MED13L: variants seen among roughly 807,000 people sequenced by gnomAD.
The protein encoded by MED13L is mediator complex subunit 13L.
In MED13L, 7 loss-of-function variants were observed where a neutral mutation model predicts 220.9. That is an observed-to-expected ratio of 0.03 (90% CI 0.02 to 0.06). The LOEUF (loss-of-function observed/expected upper bound fraction) is 0.06, where lower values mean the gene tolerates loss of function less well. MED13L is among the 10% of genes least tolerant of loss of function. The pLI is 1.00. For missense variants in MED13L, 1,965 were observed against 2,760.5 expected, an observed-to-expected ratio of 0.71 and a Z score of 6.46; for synonymous variants, 1,011 against 1,015.2, an observed-to-expected ratio of 1.00 and a Z score of 0.08.
At chr12:116,224,238 TTCAA>T (rs1204051602) in intron 2 of MED13L, among the ~76,000 whole-genome samples, 4 of 152,206 alleles carry the variant, frequency 2.6e-5, no homozygotes, top group Admixed American at 6.5e-5. Context: ...AATGTTCATT[TTCAA>T]TCAATTTCTC....
intron 4 of MED13L, among the ~76,000 whole-genome samples, chr12:116,028,445 G>A (rs1049780037): frequency 2.6e-5 from 4 of 151,758 alleles, no homozygotes; most frequent in Non-Finnish European, 4.4e-5. Flanking sequence ...TTTCTGATTC[G>A]GGGGGAAGGC....
In MED13L at chr12:115,961,078, G is replaced by A; in HGVS notation, c.*188C>T. On this transcript the variant is annotated 3_prime_UTR_variant, in exon 31 of 31. Transcript: ENST00000281928. ...AAGTTTCCAGGTCCATGAGAGAAGT[G>A]TCAAGGAGTCACTCTGGTAATGAAC... The A allele has an allele frequency of 1.3e-6, 1 of 780,024 alleles. No individual in the cohort carries two copies. The allele number at this position is 780,024 out of a possible 1,614,324, so 48.3% of individuals were successfully genotyped here. A position where few individuals can be genotyped will look rare whatever the true frequency, so the allele number is the denominator to read the frequency against.
intron 25 of MED13L, among the ~76,000 whole-genome samples, chr12:115,973,907 C>G (rs1483917381): frequency 6.6e-6 from 1 of 152,096 alleles, no homozygotes; most frequent in South Asian, 2.1e-4. Context: ...TGCTGTTAAA[C>G]CCTGAAAATT....
chr12:116,094,101 T>C (rs143501407), intron 4 of MED13L, among the ~76,000 whole-genome samples: 1 of 152,312 alleles, frequency 6.6e-6, no homozygotes, highest in Non-Finnish European at 1.5e-5. Flanking sequence ...AGCATGACTG[T>C]CCATTTAAAA....
intron 2 of MED13L, among the ~76,000 whole-genome samples, chr12:116,183,812 GTGTGTGTA>G (rs1435814597): frequency 2.2e-3 from 190 of 85,342 alleles, no homozygotes; most frequent in Middle Eastern, 0.012. Flanking sequence ...TGGTGTGTGT[GTGTGTGTA>G]TGTGTGTGTG....
intron 4 of MED13L, among the ~76,000 whole-genome samples, chr12:116,041,444 A>G (rs1267602395): frequency 2.0e-5 from 3 of 152,230 alleles, no homozygotes; most frequent in African/African-American, 7.2e-5. Flanking sequence ...GGACTAATAC[A>G]GGCCCGAAGA....
chr12:116,190,484 G>C (rs1363374904), intron 2 of MED13L, among the ~76,000 whole-genome samples: 2 of 152,142 alleles, frequency 1.3e-5, no homozygotes, highest in Non-Finnish European at 2.9e-5. Context: ...CATCAAATCT[G>C]AATTAAAACA....
intron 5 of MED13L, among the ~76,000 whole-genome samples, chr12:116,020,617 A>G (rs928207323): frequency 3.9e-5 from 6 of 152,228 alleles, no homozygotes; most frequent in African/African-American, 1.4e-4. Flanking sequence ...TTGATAAAAC[A>G]ACTCTAAGTA....
chr12:116,060,917 T>A (rs1413543614), intron 4 of MED13L, among the ~76,000 whole-genome samples: 1 of 152,164 alleles, frequency 6.6e-6, no homozygotes, highest in African/African-American at 2.4e-5. Flanking sequence ...GACACATACA[T>A]GGCATCATCT....
chr12:116,183,814 GTGTGTA>G (rs769197582), intron 2 of MED13L, among the ~76,000 whole-genome samples: 1,325 of 84,132 alleles, frequency 0.016, 12 homozygotes, highest in African/African-American at 0.023. Context: ...GTGTGTGTGT[GTGTGTA>G]TGTGTGTGTG....
At chr12:116,019,176 A>C (rs750344703) in intron 7 of MED13L, 48 bp downstream of exon 7, 2 of 1,573,292 alleles carry the variant, frequency 1.3e-6, no homozygotes, top group East Asian at 2.3e-5. Flanking sequence ...TAGACTATAC[A>C]ATTGTCTGAG....
chr12:116,075,401 C>T (rs563756742), intron 4 of MED13L, among the ~76,000 whole-genome samples: 2 of 152,284 alleles, frequency 1.3e-5, no homozygotes, highest in African/African-American at 4.8e-5. Context: ...ACGTCCTGCC[C>T]TTCTCCTTTA....
At chr12:116,134,888 G>A (rs945855966) in intron 2 of MED13L, among the ~76,000 whole-genome samples, 1 of 152,140 alleles carries the variant, frequency 6.6e-6, no homozygotes, top group Non-Finnish European at 1.5e-5. Flanking sequence ...AACACCATGT[G>A]GCCGGGCGCA....
At chr12:116,044,678 G>T (rs1393581592) in intron 4 of MED13L, among the ~76,000 whole-genome samples, 2 of 152,170 alleles carry the variant, frequency 1.3e-5, no homozygotes, top group Non-Finnish European at 2.9e-5. Flanking sequence ...TCATCAGGTA[G>T]AAAAATATTG....
chr12:116,232,932 C>T (rs1869710183), intron 2 of MED13L, among the ~76,000 whole-genome samples: 1 of 151,670 alleles, frequency 6.6e-6, no homozygotes, highest in African/African-American at 2.4e-5. Flanking sequence ...ACTAAAAATA[C>T]AAAAATTGGC....
chr12:116,099,435 T>C (rs1191014989), intron 3 of MED13L, among the ~76,000 whole-genome samples: 1 of 152,212 alleles, frequency 6.6e-6, no homozygotes, highest in Non-Finnish European at 1.5e-5. Context: ...CGTCAAACAC[T>C]GAACAGTCTT....
At chr12:116,175,667 G>T (rs1418135293) in intron 2 of MED13L, among the ~76,000 whole-genome samples, 1 of 152,088 alleles carries the variant, frequency 6.6e-6, no homozygotes, top group Non-Finnish European at 1.5e-5. Context: ...TCCTTGATGA[G>T]GACCCAGAAA....
rs749407155 is a variant in MED13L at position 116,005,987 on chromosome 12, C to T, written c.2351G>A (p.Arg784Gln). Residue 784 changes from arginine (R) to glutamine (Q), a missense_variant, in exon 13 of 31, where the codon CGG becomes CAG. Physicochemically the swap from Arg to Gln is conservative, Grantham distance 43. This residue lies in a region of MED13L where 818 missense variants were observed against 1,041.2 expected (regional missense o/e 0.79). Coordinates refer to ENST00000281928, the MANE Select transcript of MED13L (RefSeq NM_015335.5). ...AGCTCTGCCAGCAGCATTATCCTGC[C>T]GGACATCTGTAGGAAAGGAGGCAAA... ...IFSSATKTDV[R>Q]QDNAAGRAGS... 1.7e-5 allele frequency: 27 copies of T among 1,613,656 alleles called. No homozygotes were observed. The highest frequency in any genetic ancestry group is 5.5e-5 in the South Asian group (5 of 91,068).
At chr12:115,998,542 A>AAGGC (rs1482283058) in intron 14 of MED13L, among the ~76,000 whole-genome samples, 1 of 152,154 alleles carries the variant, frequency 6.6e-6, no homozygotes, top group Non-Finnish European at 1.5e-5. Flanking sequence ...TCTAACAGGG[A>AAGGC]AGGCAGGGCT....
Sources: allele counts gnomAD v4.1 joint callset (sites outside exome capture counted in the v4.1 genomes callset), GRCh38; gene constraint gnomAD v4.1.1; regional missense constraint gnomAD v4.1.1; transcripts MANE v1.5; gene names NCBI Gene and HGNC (gene_info 2026-07-23, HGNC 2026-07-21).